IQCJ: variants seen among roughly 807,000 people sequenced by gnomAD.
The protein encoded by IQCJ is IQ domain-containing protein J.
IQCJ carries 9 observed loss-of-function variants against 11.0 expected under a neutral mutation model. The observed-to-expected ratio is 0.82, with a 90% CI of 0.49 to 1.43. IQCJ has a LOEUF of 1.43. IQCJ is among the 40% of genes most tolerant of loss of function. The pLI, the probability that IQCJ is intolerant of heterozygous loss-of-function variation, is 0.00. For missense variants in IQCJ, 146 were observed against 133.2 expected (o/e 1.10, Z -0.47); for synonymous variants, 55 against 51.3 (o/e 1.07, Z -0.31).
chr3:159,229,271 C>G (rs1726048080), intron 1 of IQCJ, among the ~76,000 whole-genome samples: 1 of 152,192 alleles, frequency 6.6e-6, no homozygotes, highest in Non-Finnish European at 1.5e-5. Flanking sequence ...CAGCGGTGAG[C>G]ACATGGGTCC....
chr3:159,198,151 G>T (rs1724100722), intron 1 of IQCJ, among the ~76,000 whole-genome samples: 1 of 152,122 alleles, frequency 6.6e-6, no homozygotes, highest in South Asian at 2.1e-4. Flanking sequence ...AGAATGTGTG[G>T]CAGAAATTGG....
intron 1 of IQCJ, among the ~76,000 whole-genome samples, chr3:159,154,358 C>A (rs1018645904): frequency 1.3e-5 from 2 of 152,156 alleles, no homozygotes; most frequent in Non-Finnish European, 2.9e-5. Flanking sequence ...CTTGATTTAT[C>A]ATCAAGAGAT....
At chr3:159,073,487 C>T (rs1576984410) in intron 1 of IQCJ, among the ~76,000 whole-genome samples, 1 of 152,168 alleles carries the variant, frequency 6.6e-6, no homozygotes, top group East Asian at 1.9e-4. Context: ...GTAAGTGTCT[C>T]CTTAAGTTTT....
At chr3:159,141,458 A>C (rs1446826337) in intron 1 of IQCJ, among the ~76,000 whole-genome samples, 1 of 152,216 alleles carries the variant, frequency 6.6e-6, no homozygotes, top group Non-Finnish European at 1.5e-5. Flanking sequence ...AGACTTTATT[A>C]GAATAATAAC....
chr3:159,259,336 C>CA (rs1284918910), intron 3 of IQCJ, among the ~76,000 whole-genome samples: 1 of 151,968 alleles, frequency 6.6e-6, no homozygotes, highest in Non-Finnish European at 1.5e-5. Flanking sequence ...ATTTATAATT[C>CA]AAAATATAGG....
chr3:159,071,602 T>C (rs1343393691), intron 1 of IQCJ, among the ~76,000 whole-genome samples: 2 of 152,104 alleles, frequency 1.3e-5, no homozygotes, highest in African/African-American at 2.4e-5. Context: ...AGTCAATTAT[T>C]TTGTTTGAGG....
chr3:159,258,347 G>A lies in IQCJ; in HGVS notation c.156-4201G>A, dbSNP rs12639440. On this transcript the variant is annotated intron_variant, in intron 3 of 3. Coordinates refer to ENST00000397832, the MANE Select transcript of IQCJ (RefSeq NM_001042706.3). ...GCATCTCCAAACTGAACCAACCACG[G>A]CCCTCTGGCTAGTCAGCCCGGGGGA... Among the ~76,000 whole-genome samples the A allele has an allele frequency of 9.5e-3, 1,449 of 152,292 alleles. 150 individuals are homozygous for A. The East Asian group carries it at 0.24, about 25-fold the overall frequency.
chr3:159,245,342 T>C (rs1412556577), intron 1 of IQCJ, among the ~76,000 whole-genome samples: 1 of 151,862 alleles, frequency 6.6e-6, no homozygotes, highest in Admixed American at 6.6e-5. Flanking sequence ...TAGGAAACAT[T>C]AGTGAGTAAA....
chr3:159,090,002 T>G (rs1431179367), intron 1 of IQCJ, among the ~76,000 whole-genome samples: 1 of 151,824 alleles, frequency 6.6e-6, no homozygotes, highest in East Asian at 1.9e-4. Context: ...TGCTCTGCTT[T>G]TTAGAGTTTC....
At chr3:159,265,540 A>C, downstream of IQCJ, 1 of 653,024 alleles carries the variant, frequency 1.5e-6, no homozygotes, top group Non-Finnish European at 2.5e-6. Flanking sequence ...GTCCAAGTCA[A>C]ATGTTGTCAG....
chr3:159,154,663 CAAAG>C (rs1320333081), intron 1 of IQCJ, among the ~76,000 whole-genome samples: 1 of 152,106 alleles, frequency 6.6e-6, no homozygotes, highest in Non-Finnish European at 1.5e-5. Context: ...TTTTCAAACT[CAAAG>C]AAGTCCTTTC....
At chr3:159,101,331 C>A (rs139200163) in intron 1 of IQCJ, among the ~76,000 whole-genome samples, 7 of 151,890 alleles carry the variant, frequency 4.6e-5, no homozygotes, top group African/African-American at 1.5e-4. Flanking sequence ...CCGTCTTCTG[C>A]GTCGCTCAGG....
chr3:159,234,875 T>C (rs1398976596), intron 1 of IQCJ, among the ~76,000 whole-genome samples: 3 of 152,184 alleles, frequency 2.0e-5, no homozygotes, highest in African/African-American at 7.2e-5. Flanking sequence ...GCAAACTCAC[T>C]TTCTAACCCT....
intron 1 of IQCJ, among the ~76,000 whole-genome samples, chr3:159,146,136 A>G (rs71312258): frequency 6.6e-6 from 1 of 152,212 alleles, no homozygotes; most frequent in Non-Finnish European, 1.5e-5. Flanking sequence ...TTGAAGATTA[A>G]CAACATGAGT....
intron 1 of IQCJ, among the ~76,000 whole-genome samples, chr3:159,239,693 G>T (rs1180425270): frequency 6.6e-6 from 1 of 152,174 alleles, no homozygotes; most frequent in Non-Finnish European, 1.5e-5. Context: ...ACTGCATAAT[G>T]CCGTTTGGCC....
chr3:159,155,004 C>T (rs1220375216), intron 1 of IQCJ, among the ~76,000 whole-genome samples: 2 of 152,092 alleles, frequency 1.3e-5, no homozygotes, highest in East Asian at 3.9e-4. Flanking sequence ...TCGCCATCCC[C>T]ATTTCTATCT....
chr3:159,242,975 C>G (rs1727026792), intron 1 of IQCJ, among the ~76,000 whole-genome samples: 1 of 152,028 alleles, frequency 6.6e-6, no homozygotes, highest in Non-Finnish European at 1.5e-5. Flanking sequence ...ACATATAACT[C>G]AGTTAAAAAC....
At chr3:159,243,134 A>G (rs1302206433) in intron 1 of IQCJ, among the ~76,000 whole-genome samples, 2 of 152,204 alleles carry the variant, frequency 1.3e-5, no homozygotes, top group Non-Finnish European at 2.9e-5. Flanking sequence ...CTTCTCTTAC[A>G]TTGCTGGTTG....
At chr3:159,228,709 A>G (rs1017512734) in intron 1 of IQCJ, among the ~76,000 whole-genome samples, 5 of 151,852 alleles carry the variant, frequency 3.3e-5, no homozygotes, top group Non-Finnish European at 7.4e-5. Flanking sequence ...GACAGTGGCC[A>G]GGAGAGTGGC....
Sources: allele counts gnomAD v4.1 joint callset (sites outside exome capture counted in the v4.1 genomes callset), GRCh38; gene constraint gnomAD v4.1.1; transcripts MANE v1.5; gene names NCBI Gene and HGNC (gene_info 2026-07-23, HGNC 2026-07-21).